SPATA17: variants seen among roughly 807,000 people sequenced by gnomAD.
SPATA17 encodes spermatogenesis-associated protein 17.
Under a neutral mutation model 62.2 loss-of-function variants are expected in SPATA17, and 53 were observed. That is an observed-to-expected ratio of 0.85 (90% CI 0.68 to 1.07). The LOEUF (loss-of-function observed/expected upper bound fraction) is 1.07, where lower values mean the gene tolerates loss of function less well. SPATA17 is among the 50% of genes least tolerant of loss of function. The pLI is 0.00. For missense variants in SPATA17, 466 were observed against 425.5 expected, an observed-to-expected ratio of 1.10 and a Z score of -0.84; for synonymous variants, 146 against 146.8, an observed-to-expected ratio of 0.99 and a Z score of 0.04.
At chr1:217,785,317 A>T (rs1479121884) in intron 8 of SPATA17, among the ~76,000 whole-genome samples, 1 of 152,124 alleles carries the variant, frequency 6.6e-6, no homozygotes, top group East Asian at 1.9e-4. Context: ...TGGGTAATTT[A>T]TGAAGAAAAG....
chr1:217,737,123 C>T (rs139244673), intron 5 of SPATA17, among the ~76,000 whole-genome samples: 136 of 152,252 alleles, frequency 8.9e-4, no homozygotes, highest in African/African-American at 2.8e-3. Flanking sequence ...TGGAGTCAAA[C>T]CCAGATTCAA....
intron 3 of SPATA17, among the ~76,000 whole-genome samples, chr1:217,659,028 T>G (rs544712231): frequency 6.6e-6 from 1 of 152,206 alleles, no homozygotes; most frequent in East Asian, 1.9e-4. Context: ...TATTACTGCC[T>G]GGGGGGAAGA....
At chr1:217,844,297 A>T (rs1571839829) in intron 9 of SPATA17, among the ~76,000 whole-genome samples, 1 of 152,122 alleles carries the variant, frequency 6.6e-6, no homozygotes, top group East Asian at 1.9e-4. Context: ...GAGACCAGGC[A>T]CATCACAGGA....
intron 3 of SPATA17, among the ~76,000 whole-genome samples, chr1:217,659,291 C>T (rs1388780956): frequency 6.6e-6 from 1 of 151,680 alleles, no homozygotes; most frequent in East Asian, 1.9e-4. Context: ...AATGACACTT[C>T]AGCTAACCCT....
At chr1:217,793,262 C>T (rs1465781940) in intron 8 of SPATA17, among the ~76,000 whole-genome samples, 1 of 134,694 alleles carries the variant, frequency 7.4e-6, no homozygotes, top group Non-Finnish European at 1.5e-5. Context: ...GCTCTGTTGC[C>T]CAGGCTGGAG....
intron 4 of SPATA17, among the ~76,000 whole-genome samples, chr1:217,677,683 G>A (rs1670980029): frequency 6.6e-6 from 1 of 152,034 alleles, no homozygotes; most frequent in African/African-American, 2.4e-5. Context: ...CCATCCCCAT[G>A]TAAAAGTATA....
intron 5 of SPATA17, among the ~76,000 whole-genome samples, chr1:217,697,144 G>A (rs1671477911): frequency 6.6e-6 from 1 of 152,168 alleles, no homozygotes; most frequent in African/African-American, 2.4e-5. Flanking sequence ...GCGTAGCTGG[G>A]ACCACAGGCA....
intron 3 of SPATA17, among the ~76,000 whole-genome samples, chr1:217,653,946 G>T (rs1353150481): frequency 6.6e-6 from 1 of 151,618 alleles, no homozygotes; most frequent in Non-Finnish European, 1.5e-5. Context: ...TTCACATTTG[G>T]GTCCATTTGT....
intron 1 of SPATA17, among the ~76,000 whole-genome samples, chr1:217,645,286 A>G (rs1271062280): frequency 6.6e-6 from 1 of 152,154 alleles, no homozygotes; most frequent in Non-Finnish European, 1.5e-5. Flanking sequence ...AGCAGGAGAG[A>G]TTAAAAAACA....
intron 9 of SPATA17, among the ~76,000 whole-genome samples, chr1:217,831,056 A>T (rs1346771723): frequency 6.6e-6 from 1 of 152,166 alleles, no homozygotes; most frequent in Admixed American, 6.6e-5. Context: ...GTTTGCTCAT[A>T]ACAATTGGAG....
intron 9 of SPATA17, among the ~76,000 whole-genome samples, chr1:217,851,302 A>G (rs1675660038): frequency 3.9e-5 from 6 of 152,122 alleles, no homozygotes. Context: ...ATTCCATCAT[A>G]TTAATGATGC....
At chr1:217,821,335 A>C (rs569196341) in intron 9 of SPATA17, among the ~76,000 whole-genome samples, 44 of 152,238 alleles carry the variant, frequency 2.9e-4, no homozygotes, top group African/African-American at 7.9e-4. Context: ...CCGAAGTGGG[A>C]TGAGCCTGTA....
rs115528927 is a variant in SPATA17, at chr1:217,821,362, G to A, written c.1005+19512G>A. Among the ~76,000 whole-genome samples, 259 of 152,210 alleles carry A rather than the reference G, an allele frequency of 1.7e-3. 1 individual carries two copies. Among genetic ancestry groups the A allele is most frequent in the African/African-American group, 5.8e-3 (242 of 41,552 alleles). On this transcript the variant is annotated intron_variant, in intron 9 of 10. Transcript: ENST00000366933. Reference sequence around the variant, plus strand: ...GAGCCTGTAAAGGAGGCAGGTAAATGTGAGGAAGGCTAAGAGAATATGCTT... The same window carrying A: ...GAGCCTGTAAAGGAGGCAGGTAAATATGAGGAAGGCTAAGAGAATATGCTT...
In SPATA17 at chr1:217,731,811, A is replaced by G. The variant is rs1359660168; in HGVS notation, c.396-10164A>G. Among the ~76,000 whole-genome samples, 8 of 152,290 alleles carry G rather than the reference A, an allele frequency of 5.3e-5. No individual in the cohort carries two copies. In the East Asian group the frequency reaches 1.5e-3, roughly 29 times the overall value. ...TGAATCTTTGGATAAGAATGTTAAC[A>G]TGTATTTTAGATATAATATTAGCAT... On this transcript the variant is annotated intron_variant, in intron 5 of 10. Coordinates refer to ENST00000366933, the MANE Select transcript of SPATA17 (RefSeq NM_138796.4).
At chr1:217,725,262 C>T (rs1558580903) in intron 5 of SPATA17, among the ~76,000 whole-genome samples, 1 of 152,162 alleles carries the variant, frequency 6.6e-6, no homozygotes, top group African/African-American at 2.4e-5. Context: ...CCCACATGTT[C>T]TCAAGTATAT....
chr1:217,636,004 G>A (rs1669928260), intron 1 of SPATA17, among the ~76,000 whole-genome samples: 1 of 151,156 alleles, frequency 6.6e-6, no homozygotes, highest in African/African-American at 2.4e-5. Context: ...GGGGTGGTGG[G>A]CGCCTTTAAT....
intron 9 of SPATA17, among the ~76,000 whole-genome samples, chr1:217,840,260 CT>C (rs1675361472): frequency 6.6e-6 from 1 of 152,078 alleles, no homozygotes; most frequent in African/African-American, 2.4e-5. Flanking sequence ...TGGAGTCAGG[CT>C]GCATAAGCAA....
chr1:217,696,787 C>A (rs1322378669), intron 5 of SPATA17, among the ~76,000 whole-genome samples: 1 of 152,144 alleles, frequency 6.6e-6, no homozygotes, highest in Non-Finnish European at 1.5e-5. Context: ...CAGTTTTCCT[C>A]TAGAGAGTAG....
At chr1:217,650,197 C>T (rs1276505896) in intron 2 of SPATA17, among the ~76,000 whole-genome samples, 1 of 152,038 alleles carries the variant, frequency 6.6e-6, no homozygotes, top group Non-Finnish European at 1.5e-5. Flanking sequence ...CCTTGGCTTC[C>T]CAAAGTGCCG....
Sources: gnomAD v4.1 joint callset for allele counts (sites outside exome capture counted in the v4.1 genomes callset) on GRCh38, gnomAD v4.1.1 for gene constraint, MANE v1.5 for transcripts, NCBI Gene and HGNC (gene_info 2026-07-23, HGNC 2026-07-21) for gene names.